Variants in DLG2 observed in about 807,000 individuals in gnomAD.
DLG2 encodes discs large MAGUK scaffold protein 2, also known as disks large homolog 2.
DLG2 carries 45 observed loss-of-function variants against 132.5 expected under a neutral mutation model. That is an observed-to-expected ratio of 0.34 (90% CI 0.27 to 0.44). The LOEUF is 0.44. DLG2 is among the 20% of genes least tolerant of loss of function. The pLI is 1.00. For missense variants in DLG2, 1,045 were observed against 1,196.9 expected, an observed-to-expected ratio of 0.87 and a Z score of 1.87; for synonymous variants, 424 against 419.6, an observed-to-expected ratio of 1.01 and a Z score of -0.13.
At chr11:84,034,434 C>T (rs925686719) in intron 11 of DLG2, among the ~76,000 whole-genome samples, 1 of 152,020 alleles carries the variant, frequency 6.6e-6, no homozygotes, top group African/African-American at 2.4e-5. Flanking sequence ...TTGCAGTGGT[C>T]TAGAATGAGA....
At chr11:83,565,907 T>C (rs937025349) in intron 19 of DLG2, among the ~76,000 whole-genome samples, 2 of 152,008 alleles carry the variant, frequency 1.3e-5, no homozygotes, top group Non-Finnish European at 2.9e-5. Context: ...TCCAGAAGAG[T>C]GTACCTGTTT....
chr11:84,536,616 G>T (rs547488793), intron 6 of DLG2, among the ~76,000 whole-genome samples: 1 of 152,070 alleles, frequency 6.6e-6, no homozygotes, highest in African/African-American at 2.4e-5. Context: ...GCCCATTTTA[G>T]TTTCTCTGGC....
intron 19 of DLG2, among the ~76,000 whole-genome samples, chr11:83,626,405 A>G (rs1399722517): frequency 6.6e-6 from 1 of 152,220 alleles, no homozygotes; most frequent in African/African-American, 2.4e-5. Flanking sequence ...TGTGCCCTTA[A>G]CATCTACTAC....
chr11:83,577,600 A>T (rs1282613524), intron 19 of DLG2, among the ~76,000 whole-genome samples: 1 of 107,708 alleles, frequency 9.3e-6, no homozygotes, highest in Non-Finnish European at 1.8e-5. Flanking sequence ...TATTTATAAT[A>T]GGATATATAT....
intron 6 of DLG2, among the ~76,000 whole-genome samples, chr11:84,595,290 A>C (rs755407327): frequency 2.0e-5 from 3 of 151,778 alleles, no homozygotes; most frequent in Admixed American, 1.3e-4. Context: ...TTATTTTGAG[A>C]TTTGGAGAGA....
chr11:85,012,790 T>C (rs1357267041), intron 6 of DLG2, among the ~76,000 whole-genome samples: 1 of 152,154 alleles, frequency 6.6e-6, no homozygotes, highest in Non-Finnish European at 1.5e-5. Flanking sequence ...CCATTTTTGC[T>C]AAAGTGATTT....
At chr11:84,355,673 G>C (rs1005249974) in intron 7 of DLG2, among the ~76,000 whole-genome samples, 2 of 152,040 alleles carry the variant, frequency 1.3e-5, no homozygotes, top group Admixed American at 6.6e-5. Flanking sequence ...AGTACAATTA[G>C]AGCATGAGAA....
intron 9 of DLG2, among the ~76,000 whole-genome samples, chr11:84,101,600 T>C (rs1025929728): frequency 3.3e-5 from 5 of 152,078 alleles, no homozygotes; most frequent in Non-Finnish European, 7.4e-5. Context: ...CTCAACTGCA[T>C]TGTCAAGTAT....
intron 18 of DLG2, among the ~76,000 whole-genome samples, chr11:83,686,386 A>G (rs2079769271): frequency 6.6e-6 from 1 of 151,346 alleles, no homozygotes; most frequent in Non-Finnish European, 1.5e-5. Flanking sequence ...CTTAAACATT[A>G]TATACTAAAT....
intron 17 of DLG2, among the ~76,000 whole-genome samples, chr11:83,792,308 A>G (rs1326769173): frequency 6.6e-6 from 1 of 152,168 alleles, no homozygotes; most frequent in East Asian, 1.9e-4. Flanking sequence ...ATGATTATTT[A>G]TTCATTAAAC....
chr11:83,559,464 T>A (rs139842118), intron 19 of DLG2, among the ~76,000 whole-genome samples: 678 of 152,194 alleles, frequency 4.5e-3, no homozygotes, highest in South Asian at 6.7e-3. Flanking sequence ...ATGGTGTTAG[T>A]GGAGAAATCA....
At chr11:84,676,936 A>C (rs1365194812) in intron 6 of DLG2, among the ~76,000 whole-genome samples, 1 of 152,002 alleles carries the variant, frequency 6.6e-6, no homozygotes, top group African/African-American at 2.4e-5. Flanking sequence ...TGCAGCAGAA[A>C]AGGGCCTTTT....
Position 85,413,886 on chromosome 11 carries a change from C to T in DLG2, c.41-128521G>A, listed in dbSNP as rs189632694. 4.8e-3 allele frequency among the ~76,000 whole-genome samples: 728 copies of T among 151,950 alleles called. 3 individuals are homozygous for T. The highest frequency in any genetic ancestry group is 0.016 in the African/African-American group (662 of 41,470). On this transcript the variant is annotated intron_variant, in intron 3 of 27. Coordinates refer to ENST00000376104, the MANE Select transcript of DLG2 (RefSeq NM_001142699.3). ...TAGTCTTGCTTTGGCTATGCAGCCT[C>T]TTTTTTGGTTCTATATGACATTTAG...
At chr11:85,516,983 C>G (rs181741598) in intron 3 of DLG2, among the ~76,000 whole-genome samples, 64 of 151,960 alleles carry the variant, frequency 4.2e-4, no homozygotes, top group African/African-American at 1.5e-3. Flanking sequence ...AAAGGAAAAA[C>G]TACAGACCAG....
intron 7 of DLG2, among the ~76,000 whole-genome samples, chr11:84,440,735 T>C (rs1016353450): frequency 6.6e-6 from 1 of 152,198 alleles, no homozygotes; most frequent in African/African-American, 2.4e-5. Context: ...GAGTTTGAGA[T>C]GCAACAGTAA....
At chr11:84,002,345 T>C (rs112568192) in intron 11 of DLG2, among the ~76,000 whole-genome samples, 2 of 152,184 alleles carry the variant, frequency 1.3e-5, no homozygotes, top group African/African-American at 4.8e-5. Flanking sequence ...AACTAGGTAG[T>C]ACCCCAGTGG....
chr11:83,956,749 G>A (rs962283877), intron 14 of DLG2, among the ~76,000 whole-genome samples: 1 of 152,248 alleles, frequency 6.6e-6, no homozygotes, highest in African/African-American at 2.4e-5. Flanking sequence ...AAAGAAGAGA[G>A]GCTAGAACAT....
chr11:83,979,767 C>T (rs567871774), intron 12 of DLG2, among the ~76,000 whole-genome samples: 1 of 152,244 alleles, frequency 6.6e-6, no homozygotes, highest in South Asian at 2.1e-4. Context: ...ATACTGGTTG[C>T]ACAAAGGACT....
chr11:85,392,765 C>T (rs1412146483), intron 3 of DLG2, among the ~76,000 whole-genome samples: 1 of 152,100 alleles, frequency 6.6e-6, no homozygotes, highest in Non-Finnish European at 1.5e-5. Flanking sequence ...ACTGGCATGC[C>T]ACATGTGGAA....
Sources: gnomAD v4.1 joint callset for allele counts (sites outside exome capture counted in the v4.1 genomes callset) on GRCh38, gnomAD v4.1.1 for gene constraint, MANE v1.5 for transcripts, NCBI Gene and HGNC (gene_info 2026-07-23, HGNC 2026-07-21) for gene names.